The following RPS6KA4 variants were observed in gnomAD, a reference collection of about 807,000 sequenced individuals.
RPS6KA4 encodes ribosomal protein S6 kinase alpha-4.
In RPS6KA4, 38 loss-of-function variants were observed where a neutral mutation model predicts 89.6. The ratio of observed to expected loss-of-function variants is 0.42; its 90% confidence interval spans 0.33 to 0.56. The LOEUF is 0.56. Ranked by LOEUF, RPS6KA4 falls within the 20% of genes least tolerant of loss-of-function variation. The pLI, the probability that RPS6KA4 is intolerant of heterozygous loss-of-function variation, is 0.07. For synonymous variants in RPS6KA4, 495 were observed against 492.8 expected (o/e 1.00, Z -0.06); for missense variants, 873 against 1,098.8 (o/e 0.79, Z 2.90).
Position 64,360,290 on chromosome 11 carries a change from G to A in RPS6KA4, c.255G>A (p.Glu85=). ...RAKTQEHTRT[E]RSVLELVRQA... ...AGACGCAAGAGCACACGCGCACCGAGCGCTCGGTGCTGGAGCTGGTGCGCC... is the reference window on the plus strand; with the variant it reads ...AGACGCAAGAGCACACGCGCACCGAACGCTCGGTGCTGGAGCTGGTGCGCC... Residue 85 remains glutamate, a synonymous_variant, in exon 3 of 17, where the codon GAG becomes GAA. Coordinates refer to ENST00000334205, the MANE Select transcript of RPS6KA4 (RefSeq NM_003942.3). 6.5e-7 allele frequency: 1 copy of A among 1,547,754 alleles called. No individual in the cohort carries two copies.
At position 64,361,340 on chromosome 11, in the gene RPS6KA4, T is replaced by A; in HGVS notation, c.570+99T>A. 1 of 1,449,306 alleles carries A rather than the reference T, an allele frequency of 6.9e-7. No individual in the cohort carries two copies. The highest frequency in any genetic ancestry group is 9.6e-7 in the Non-Finnish European group (1 of 1,042,570). 89.8% of individuals were successfully genotyped at this position (1,449,306 alleles called of 1,614,324 possible). A position where few individuals can be genotyped will look rare whatever the true frequency, so the allele number is the denominator to read the frequency against. On this transcript the variant is annotated intron_variant, in intron 5 of 16. Transcript: ENST00000334205. This position sits in a 1 kb window ranked among gnomAD's most constrained non-coding sequence, Gnocchi z 4.7. Reference sequence around the variant, plus strand: ...TGCATTCTGGGGCTGCAGAAGTGAATAGCTCCAAGAAGTTTCCACAGCTCA... The same window carrying A: ...TGCATTCTGGGGCTGCAGAAGTGAAAAGCTCCAAGAAGTTTCCACAGCTCA...
chr11:64,364,907 T>C (rs1180352394), intron 8 of RPS6KA4, among the ~76,000 whole-genome samples: 1 of 43,162 alleles, frequency 2.3e-5, no homozygotes, highest in Non-Finnish European at 5.8e-5. Context: ...GCCCAGCTAA[T>C]TTTTTTTTTT....
intron 8 of RPS6KA4, among the ~76,000 whole-genome samples, chr11:64,362,765 G>A (rs192549556): frequency 6.6e-6 from 1 of 152,342 alleles, no homozygotes; most frequent in African/African-American, 2.4e-5. Flanking sequence ...CCACCTCAGG[G>A]GTTCAAGCGA....
In RPS6KA4 at chr11:64,368,460, G is replaced by C. The variant is rs949682675; in HGVS notation, c.1201-8G>C. 4.5e-6 allele frequency: 7 copies of C among 1,548,550 alleles called. No individual in the cohort carries two copies. Among genetic ancestry groups the C allele is most frequent in the Non-Finnish European group, 6.1e-6 (7 of 1,147,160 alleles). On this transcript the variant is annotated splice_polypyrimidine_tract_variant and splice_region_variant and intron_variant, in intron 10 of 16. Coordinates refer to ENST00000334205, the MANE Select transcript of RPS6KA4 (RefSeq NM_003942.3). ...CGCCTTCGCCTTCGCCTTCGCCTTCGCCTCCAGGACTCGCCCTTCTTCCAG... is the reference window on the plus strand; with the variant it reads ...CGCCTTCGCCTTCGCCTTCGCCTTCCCCTCCAGGACTCGCCCTTCTTCCAG...
chr11:64,367,340 C>T (rs1028063450), intron 9 of RPS6KA4, among the ~76,000 whole-genome samples: 2 of 151,762 alleles, frequency 1.3e-5, no homozygotes, highest in Non-Finnish European at 2.9e-5. Flanking sequence ...GACGCAGTTT[C>T]GCTCTTGTTG....
rs1440181729 is a variant in RPS6KA4, at chr11:64,368,543, C to T, written c.1276C>T (p.Arg426Cys). 6.3e-7 allele frequency: 1 copy of T among 1,587,754 alleles called. No individual in the cohort carries two copies. Among genetic ancestry groups the T allele is most frequent in the Admixed American group, 1.8e-5 (1 of 55,660 alleles). Residue 426 changes from arginine to cysteine, a missense_variant, in exon 11 of 17, where the codon CGC becomes TGC. By Grantham distance (180) the Arg-to-Cys change is radical. This residue lies in a region of RPS6KA4 where 542 missense variants were observed against 736.4 expected (regional missense o/e 0.74). Transcript: ENST00000334205. ...ALGQGSFSVCRRCRQRQSGQE... is the reference protein window; with the variant it reads ...ALGQGSFSVCCRCRQRQSGQE... ...GGGCCAGGGCAGCTTTTCTGTGTGT[C>T]GCCGCTGCCGCCAGCGCCAGAGCGG... is the stretch of plus-strand genomic sequence containing the variant.
At chr11:64,365,503 T>C in intron 9 of RPS6KA4, 38 bp downstream of exon 9, 1 of 1,605,096 alleles carries the variant, frequency 6.2e-7, no homozygotes, top group South Asian at 1.1e-5. Context: ...GCAGGAGAGA[T>C]GAGATGTTGC....
intron 12 of RPS6KA4, 63 bp from the exon 13 acceptor site, chr11:64,369,383 G>A: frequency 1.3e-6 from 2 of 1,488,212 alleles, no homozygotes; most frequent in South Asian, 1.3e-5. Flanking sequence ...CGGGGCCTGG[G>A]TGGTGGGAGG....
At chr11:64,359,823 C>G (rs2036693048) in intron 2 of RPS6KA4, 1 of 537,748 alleles carries the variant, frequency 1.9e-6, no homozygotes, top group East Asian at 3.2e-5. Flanking sequence ...CAGCCAGGTG[C>G]ACACCTCTGC....
chr11:64,370,772 A>ACCC lies in RPS6KA4; in HGVS notation c.2121+46_2121+47insCCC. ...AAGGGAAGGGGTGGGCGAAGCCTCGAGAGGTGGGGTCTGGGGAGGCCCGGC... is the reference window on the plus strand; with the variant it reads ...AAGGGAAGGGGTGGGCGAAGCCTCGACCCGAGGTGGGGTCTGGGGAGGCCCGGC... On this transcript the variant is annotated intron_variant, in intron 16 of 16. Coordinates refer to ENST00000334205, the MANE Select transcript of RPS6KA4 (RefSeq NM_003942.3). The surrounding 1 kb of genome is among the most constrained non-coding windows in gnomAD (Gnocchi z 4.1). 1 of 1,476,340 alleles carries ACCC rather than the reference A, an allele frequency of 6.8e-7. No individual in the cohort carries two copies. The highest frequency in any genetic ancestry group is 9.0e-7 in the Non-Finnish European group (1 of 1,112,730). 91.5% of individuals were successfully genotyped at this position (1,476,340 alleles called of 1,614,324 possible). A position where few individuals can be genotyped will look rare whatever the true frequency, so the allele number is the denominator to read the frequency against.
chr11:64,362,106 C>T (rs1399899883), intron 8 of RPS6KA4, 104 bp downstream of exon 8: 3 of 1,377,752 alleles, frequency 2.2e-6, no homozygotes, highest in South Asian at 1.3e-5. Flanking sequence ...TTGGAAATCC[C>T]CCCAGAGAAA....
In RPS6KA4 at chr11:64,370,633, C is replaced by G; in HGVS notation, c.2028C>G (p.Asp676Glu). 1 of 1,575,430 alleles carries G rather than the reference C, an allele frequency of 6.3e-7. No homozygotes were observed. Among genetic ancestry groups the G allele is most frequent in the South Asian group, 1.1e-5 (1 of 88,048 alleles). The stretch of plus-strand genomic sequence containing the variant: ...TGCGGGGCAGCTCGTGGCTGCAGGA[C>G]GGCAGCGCGCGCTCCTCGCCCCCGC... The part of the protein sequence containing the change: ...EGLRGSSWLQ[D>E]GSARSSPPLR... The change falls in exon 16 of 17, where the codon GAC becomes GAG. Residue 676 changes from aspartate to glutamate, a missense_variant. By Grantham distance (45) the Asp-to-Glu change is conservative. This residue lies in a region of RPS6KA4 where 278 missense variants were observed against 284.8 expected (regional missense o/e 0.98). Transcript: ENST00000334205. This position sits in a 1 kb window ranked among gnomAD's most constrained non-coding sequence, Gnocchi z 4.1.
chr11:64,368,558 C>T lies in RPS6KA4; in HGVS notation c.1291C>T (p.Arg431Cys), dbSNP rs1380280944. 6.3e-7 allele frequency: 1 copy of T among 1,597,522 alleles called. No individual in the cohort carries two copies. The highest frequency in any genetic ancestry group is 1.3e-5 in the African/African-American group (1 of 74,888). Residue 431 changes from arginine to cysteine, a missense_variant, in exon 11 of 17, where the codon CGC becomes TGC. Around this residue, in one of 4 missense-constraint regions of RPS6KA4, gnomAD observed 542 missense variants for 736.4 expected, o/e 0.74. Coordinates refer to ENST00000334205, the MANE Select transcript of RPS6KA4 (RefSeq NM_003942.3). ...SFSVCRRCRQRQSGQEFAVKI... is the reference protein window; with the variant it reads ...SFSVCRRCRQCQSGQEFAVKI... ...TTCTGTGTGTCGCCGCTGCCGCCAGCGCCAGAGCGGCCAGGAGTTCGCAGT... is the reference window on the plus strand; with the variant it reads ...TTCTGTGTGTCGCCGCTGCCGCCAGTGCCAGAGCGGCCAGGAGTTCGCAGT...
Position 64,361,825 on chromosome 11 carries a change from C to T in RPS6KA4, c.756-27C>T. The stretch of plus-strand genomic sequence containing the variant: ...AGGGCTGTGGGTGGGGGGCTTGCTG[C>T]CCCTGACACCCCCCCAATCCTCCCA... On this transcript the variant is annotated intron_variant, in intron 7 of 16. Transcript: ENST00000334205. The surrounding 1 kb of genome is among the most constrained non-coding windows in gnomAD (Gnocchi z 4.7). 2 of 1,584,802 alleles carry T rather than the reference C, an allele frequency of 1.3e-6. No homozygotes were observed. Among genetic ancestry groups the T allele is most frequent in the African/African-American group, 2.7e-5 (2 of 73,302 alleles).
At chr11:64,360,064 C>G in intron 2 of RPS6KA4, 99 bp from the exon 3 acceptor site, 1 of 1,169,216 alleles carries the variant, frequency 8.6e-7, no homozygotes, top group South Asian at 1.6e-5. Context: ...TCCTTCGCCT[C>G]ATTTGCACAC....
chr11:64,365,521 C>T (rs2036858615), intron 9 of RPS6KA4, 56 bp downstream of exon 9: 1 of 1,597,594 alleles, frequency 6.3e-7, no homozygotes, highest in Non-Finnish European at 8.6e-7. Flanking sequence ...TGCTGTCTGC[C>T]TCAGCCCTGG....
chr11:64,368,328 G>A, intron 10 of RPS6KA4, 68 bp downstream of exon 10: 1 of 1,577,106 alleles, frequency 6.3e-7, no homozygotes, highest in Non-Finnish European at 8.6e-7. Flanking sequence ...GGGACTCTAG[G>A]CCTAGATCCA....
intron 16 of RPS6KA4, 29 bp from the exon 17 acceptor site, chr11:64,371,254 G>A (rs529160048): frequency 2.5e-6 from 4 of 1,605,944 alleles, no homozygotes; most frequent in Non-Finnish European, 3.4e-6. Flanking sequence ...AGGCGGGGGT[G>A]GGGGCACTCA....
In RPS6KA4 at chr11:64,365,399, C is replaced by G; in HGVS notation, c.1005C>G (p.Phe335Leu). The G allele has an allele frequency of 6.2e-7, 1 of 1,614,104 alleles. No individual in the cohort carries two copies. Among genetic ancestry groups the G allele is most frequent in the Non-Finnish European group, 8.5e-7 (1 of 1,180,022 alleles). The change falls in exon 9 of 17, where the codon TTC (phenylalanine) becomes TTG (leucine). Residue 335 changes from phenylalanine (F) to leucine (L), a missense_variant. Around this residue, in one of 4 missense-constraint regions of RPS6KA4, gnomAD observed 542 missense variants for 736.4 expected, o/e 0.74. Coordinates refer to ENST00000334205, the MANE Select transcript of RPS6KA4 (RefSeq NM_003942.3). ...ELDVGNFAEEFTRLEPVYSPP... is the reference protein window; with the variant it reads ...ELDVGNFAEELTRLEPVYSPP... Reference sequence around the variant, plus strand: ...ATGTGGGCAACTTTGCGGAGGAATTCACTCGGCTGGAGCCTGTCTACTCAC... The same window carrying G: ...ATGTGGGCAACTTTGCGGAGGAATTGACTCGGCTGGAGCCTGTCTACTCAC...
Sources: allele counts gnomAD v4.1 joint callset (sites outside exome capture counted in the v4.1 genomes callset), GRCh38; gene constraint gnomAD v4.1.1; regional missense constraint gnomAD v4.1.1; non-coding constraint Gnocchi (gnomAD v3.1); transcripts MANE v1.5; gene names NCBI Gene and HGNC (gene_info 2026-07-23, HGNC 2026-07-21).